Variants in SPATA17 observed in about 807,000 individuals in gnomAD.
SPATA17 encodes the protein spermatogenesis associated 17.
Under a neutral mutation model 62.2 loss-of-function variants are expected in SPATA17, and 53 were observed. The ratio of observed to expected loss-of-function variants is 0.85; its 90% confidence interval spans 0.68 to 1.07. The LOEUF (loss-of-function observed/expected upper bound fraction) is 1.07, where lower values mean the gene tolerates loss of function less well. SPATA17 is among the 50% of genes least tolerant of loss of function. The pLI is 0.00. For missense variants in SPATA17, 466 were observed against 425.5 expected (o/e 1.10, Z -0.84); for synonymous variants, 146 against 146.8 (o/e 0.99, Z 0.04).
At chr1:217,815,118 A>C (rs1475486018) in intron 9 of SPATA17, among the ~76,000 whole-genome samples, 1 of 152,134 alleles carries the variant, frequency 6.6e-6, no homozygotes, top group Non-Finnish European at 1.5e-5. Flanking sequence ...TTCACTCCCA[A>C]GTATAAGATT....
At chr1:217,765,332 T>A (rs1383326871) in intron 6 of SPATA17, among the ~76,000 whole-genome samples, 3 of 151,766 alleles carry the variant, frequency 2.0e-5, no homozygotes, top group Non-Finnish European at 4.4e-5. Context: ...TTTGCTATTC[T>A]TTTTTCAGTT....
chr1:217,732,084 T>TTCTCTCTCTCTCTCTCTCTC lies in SPATA17; in HGVS notation c.396-9887_396-9868dup, dbSNP rs60691625. The stretch of plus-strand genomic sequence containing the variant: ...AATGGAGAAAGAAAATTACTCCAGT[T>TTCTCTCTCTCTCTCTCTCTC]TCTCTCTCTCTCTCTCTCTCTCTGT... On this transcript the variant is annotated intron_variant, in intron 5 of 10. Transcript: ENST00000366933. Among the ~76,000 whole-genome samples, 629 of 148,816 alleles carry TTCTCTCTCTCTCTCTCTCTC rather than the reference T, an allele frequency of 4.2e-3. 1 individual carries two copies. Among genetic ancestry groups the TTCTCTCTCTCTCTCTCTCTC allele is most frequent in the South Asian group, 0.011 (52 of 4,696 alleles).
At chr1:217,748,009 A>T (rs974923782) in intron 6 of SPATA17, among the ~76,000 whole-genome samples, 1 of 152,218 alleles carries the variant, frequency 6.6e-6, no homozygotes, top group African/African-American at 2.4e-5. Context: ...TCTTAATTTT[A>T]AAAATTAAAC....
chr1:217,824,690 A>G (rs1449935874), intron 9 of SPATA17, among the ~76,000 whole-genome samples: 3 of 150,792 alleles, frequency 2.0e-5, no homozygotes, highest in Non-Finnish European at 3.0e-5. Context: ...TCATATGTAT[A>G]TATATTTTAT....
At chr1:217,640,516 C>T (rs951599621) in intron 1 of SPATA17, among the ~76,000 whole-genome samples, 1 of 152,010 alleles carries the variant, frequency 6.6e-6, no homozygotes, top group African/African-American at 2.4e-5. Context: ...AGAACTGTCA[C>T]TTTTTCTATT....
rs1014345476 is a variant in SPATA17, at chr1:217,744,289, C to T, written c.519+2191C>T. Among the ~76,000 whole-genome samples, 27 of 63,920 alleles carry T rather than the reference C, an allele frequency of 4.2e-4. 10 individuals carry two copies. Among genetic ancestry groups the T allele is most frequent in the Non-Finnish European group, 9.1e-4 (19 of 20,784 alleles). 41.9% of individuals were successfully genotyped at this position (63,920 alleles called of 152,430 possible). On this transcript the variant is annotated intron_variant, in intron 6 of 10. Transcript: ENST00000366933. ...CATCCCGGCTAAAACGGTGAAACCC[C>T]GTCTCTACTAAAAATACAAAAAAAT...
intron 3 of SPATA17, 24 bp downstream of exon 3, chr1:217,651,202 T>C: frequency 6.5e-7 from 1 of 1,531,218 alleles, no homozygotes; most frequent in Non-Finnish European, 8.9e-7. Flanking sequence ...GTACATATGT[T>C]AGCATTTGAA....
At chr1:217,801,591 T>G in intron 8 of SPATA17, 127 bp from the exon 9 acceptor site, 1 of 655,822 alleles carries the variant, frequency 1.5e-6, no homozygotes, top group African/African-American at 1.9e-5. Context: ...TGAAATGGAA[T>G]CTAGGTATTC....
At chr1:217,785,875 T>G (rs72728855) in intron 8 of SPATA17, among the ~76,000 whole-genome samples, 4,777 of 152,166 alleles carry the variant, frequency 0.031, 107 homozygotes, top group Middle Eastern at 0.058. Flanking sequence ...ATTACGGAAG[T>G]TTTTTTGGAA....
intron 9 of SPATA17, among the ~76,000 whole-genome samples, chr1:217,861,013 T>A (rs1675887141): frequency 6.6e-6 from 1 of 152,126 alleles, no homozygotes; most frequent in Non-Finnish European, 1.5e-5. Context: ...GTTTGGAGTA[T>A]ACATTTATGA....
intron 6 of SPATA17, 64 bp from the exon 7 acceptor site, chr1:217,774,270 A>G: frequency 7.1e-7 from 1 of 1,400,584 alleles, no homozygotes; most frequent in Middle Eastern, 1.8e-4. Flanking sequence ...TTCATGGTAC[A>G]ACTCTTTCCT....
chr1:217,850,690 G>A (rs1037884804), intron 9 of SPATA17: 4 of 1,373,042 alleles, frequency 2.9e-6, no homozygotes, highest in African/African-American at 1.4e-5. Flanking sequence ...TCCAGCCACA[G>A]GAACACCTCC....
At chr1:217,676,286 G>A (rs751076958) in intron 4 of SPATA17, among the ~76,000 whole-genome samples, 1 of 152,082 alleles carries the variant, frequency 6.6e-6, no homozygotes. Flanking sequence ...ATGGATTTTT[G>A]AGGAGGATGT....
At chr1:217,697,906 AC>A (rs1671496769) in intron 5 of SPATA17, among the ~76,000 whole-genome samples, 1 of 152,044 alleles carries the variant, frequency 6.6e-6, no homozygotes, top group Non-Finnish European at 1.5e-5. Flanking sequence ...CCTTTATTCA[AC>A]CTTTTGTGAA....
intron 8 of SPATA17, among the ~76,000 whole-genome samples, chr1:217,795,885 A>C (rs1571811057): frequency 6.6e-6 from 1 of 151,882 alleles, no homozygotes; most frequent in Admixed American, 6.6e-5. Context: ...GGCAGCTTTG[A>C]CCTCCAGGCT....
intron 6 of SPATA17, among the ~76,000 whole-genome samples, chr1:217,744,920 C>G (rs747136504): frequency 1.3e-5 from 2 of 152,154 alleles, no homozygotes; most frequent in Non-Finnish European, 2.9e-5. Flanking sequence ...CAGTGCCAGA[C>G]CCTTCGAGGG....
intron 8 of SPATA17, among the ~76,000 whole-genome samples, chr1:217,790,340 G>A (rs1673966984): frequency 6.6e-6 from 1 of 152,138 alleles, no homozygotes; most frequent in African/African-American, 2.4e-5. Context: ...GAAGGGACTC[G>A]GGATTTTCCT....
chr1:217,725,320 A>C (rs553611342), intron 5 of SPATA17, among the ~76,000 whole-genome samples: 1 of 152,220 alleles, frequency 6.6e-6, no homozygotes. Flanking sequence ...TTGTAATCCT[A>C]CATAGTATCA....
At chr1:217,665,710 G>A (rs143301583) in intron 3 of SPATA17, among the ~76,000 whole-genome samples, 34 of 152,262 alleles carry the variant, frequency 2.2e-4, no homozygotes, top group African/African-American at 7.7e-4. Flanking sequence ...CAGAAAGGAC[G>A]TCAGTTATAA....
Sources: allele counts gnomAD v4.1 joint callset (sites outside exome capture counted in the v4.1 genomes callset), GRCh38; gene constraint gnomAD v4.1.1; transcripts MANE v1.5; gene names NCBI Gene and HGNC (gene_info 2026-07-23, HGNC 2026-07-21).